Variants in LETM1 observed in about 807,000 individuals in gnomAD.
LETM1 encodes mitochondrial proton/calcium exchanger protein.
LETM1 carries 50 observed loss-of-function variants against 74.5 expected under a neutral mutation model. The ratio of observed to expected loss-of-function variants is 0.67; its 90% CI spans 0.53 to 0.85. The LOEUF (loss-of-function observed/expected upper bound fraction) is 0.85, where lower values mean the gene tolerates loss of function less well. Ranked by LOEUF, LETM1 falls within the 40% of genes least tolerant of loss-of-function variation. The pLI is 0.00. For missense variants in LETM1, 824 were observed against 967.8 expected (o/e 0.85, Z 1.97); for synonymous variants, 446 against 407.1 (o/e 1.10, Z -1.15).
rs556096376 is a variant in LETM1, at chr4:1,823,539, C to T, written c.1332+105G>A. The stretch of plus-strand genomic sequence containing the variant: ...GCGAGGGGGTGGGAGGCAGGCTCCT[C>T]GCCCATGGTTGAGGAATGAGTGCGC... On this transcript the variant is annotated intron_variant, in intron 8 of 13. Transcript: ENST00000302787. 1.4e-3 allele frequency: 2,080 copies of T among 1,439,656 alleles called. 4 individuals carry two copies. The highest frequency in any genetic ancestry group is 5.0e-3 in the Middle Eastern group (20 of 4,034). The allele number at this position is 1,439,656 out of a possible 1,614,324, so 89.2% of individuals were successfully genotyped here.
At position 1,822,173 on chromosome 4, in the gene LETM1, C is replaced by CTAA; in HGVS notation, c.1608+7_1608+8insTTA. ...CAGCCTCCAGGGCCCCAGAACCTGC[C>CTAA]TCATTACCTTCAAGCCCTCCAGCAC... On this transcript the variant is annotated splice_region_variant and intron_variant, in intron 10 of 13. Transcript: ENST00000302787. 2.1e-6 allele frequency: 3 copies of CTAA among 1,407,328 alleles called. No individual in the cohort carries two copies. The highest frequency in any genetic ancestry group is 2.8e-6 in the Non-Finnish European group (3 of 1,066,096). 87.2% of individuals were successfully genotyped at this position (1,407,328 alleles called of 1,614,324 possible).
At position 1,855,158 on chromosome 4, in the gene LETM1, TTTTAC is replaced by T. The variant is rs1218184992; in HGVS notation, c.82+706_82+710del. 3.3e-5 allele frequency among the ~76,000 whole-genome samples: 5 copies of T among 152,330 alleles called. No homozygotes were observed. In the East Asian group the frequency reaches 7.7e-4, roughly 23 times the overall value. ...TATGATCGCACCACTGCACTAATTA[TTTTAC>T]TTGAGTCCCTCTTAGCAAGTTTTAT... On this transcript the variant is annotated intron_variant, in intron 1 of 13. Coordinates refer to ENST00000302787, the MANE Select transcript of LETM1 (RefSeq NM_012318.3).
At chr4:1,835,484 C>CAAACA (rs1553852598) in intron 4 of LETM1, among the ~76,000 whole-genome samples, 3 of 151,508 alleles carry the variant, frequency 2.0e-5, no homozygotes, top group African/African-American at 7.3e-5. Context: ...AACAAACAAA[C>CAAACA]AAAAACAAAC....
At chr4:1,821,561 C>T (rs942164129) in intron 10 of LETM1, among the ~76,000 whole-genome samples, 3 of 152,136 alleles carry the variant, frequency 2.0e-5, no homozygotes, top group African/African-American at 2.4e-5. Flanking sequence ...TGGTGGTGCA[C>T]GCCTGTACTC....
chr4:1,831,868 G>C (rs1447461713), intron 6 of LETM1, among the ~76,000 whole-genome samples: 2 of 152,182 alleles, frequency 1.3e-5, no homozygotes, highest in African/African-American at 4.8e-5. Flanking sequence ...TCAGAAGGGA[G>C]AGCAAAAGAA....
At position 1,832,870 on chromosome 4, in the gene LETM1, C is replaced by T. The variant is rs1301269272; in HGVS notation, c.954G>A (p.Leu318=). The change falls in exon 6 of 14, where the codon CTG becomes CTA. Residue 318 remains leucine (L), a synonymous_variant. Coordinates refer to ENST00000302787, the MANE Select transcript of LETM1 (RefSeq NM_012318.3). ...CCAGCTGCGGCCGTGTCAGGTTGTC[C>T]AGGGTCAGCTCATCCTCAAATAATT... ...FSKLFEDELT[L]DNLTRPQLVA... 3.1e-6 allele frequency: 5 copies of T among 1,613,720 alleles called. No individual in the cohort carries two copies. The African/African-American group carries it at 6.7e-5, about 22-fold the overall frequency.
At chr4:1,830,852 CTA>C (rs918546269) in intron 6 of LETM1, among the ~76,000 whole-genome samples, 1 of 152,104 alleles carries the variant, frequency 6.6e-6, no homozygotes, top group Non-Finnish European at 1.5e-5. Context: ...CTTCTTGACT[CTA>C]GATCTGACTT....
chr4:1,828,356 G>A (rs1712095394), intron 6 of LETM1, among the ~76,000 whole-genome samples: 2 of 122,724 alleles, frequency 1.6e-5, no homozygotes, highest in African/African-American at 3.4e-5. Flanking sequence ...TCCCGGACGG[G>A]GCGGCTGGCC....
At chr4:1,828,864 G>A (rs1712137911) in intron 6 of LETM1, among the ~76,000 whole-genome samples, 1 of 104,346 alleles carries the variant, frequency 9.6e-6, no homozygotes, top group South Asian at 3.2e-4. Flanking sequence ...GCGGGAGGCT[G>A]ACACCCCCAC....
intron 1 of LETM1, among the ~76,000 whole-genome samples, chr4:1,853,818 C>G (rs1713148773): frequency 6.6e-6 from 1 of 152,160 alleles, no homozygotes; most frequent in Non-Finnish European, 1.5e-5. Flanking sequence ...CTCATCAGTT[C>G]AGGGACCTCC....
rs1320646555 is a variant in LETM1 at position 1,816,759 on chromosome 4, G to C, written c.1899C>G (p.Gly633=). 1.2e-6 allele frequency: 2 copies of C among 1,614,172 alleles called. No individual in the cohort carries two copies. The highest frequency in any genetic ancestry group is 1.7e-6 in the Non-Finnish European group (2 of 1,180,012). ...ISQLEMDQQA[G]KLAPANGMPT... ...GCATGCCGTTGGCCGGGGCCAGCTT[G>C]CCAGCCTGCTGGTCCATCTCCAGCT... The change falls in exon 12 of 14, where the codon GGC becomes GGG. Residue 633 remains glycine, a synonymous_variant. Coordinates refer to ENST00000302787, the MANE Select transcript of LETM1 (RefSeq NM_012318.3).
chr4:1,815,308 A>C (rs548942301), intron 13 of LETM1, among the ~76,000 whole-genome samples: 22 of 152,144 alleles, frequency 1.4e-4, no homozygotes, highest in African/African-American at 4.1e-4. Context: ...GCAGGTGTGA[A>C]GTGCCCCCAG....
Position 1,836,435 on chromosome 4 carries a change from T to C in LETM1, c.732A>G (p.Ser244=). The C allele has an allele frequency of 6.2e-7, 1 of 1,613,822 alleles. No individual in the cohort carries two copies. The highest frequency in any genetic ancestry group is 8.5e-7 in the Non-Finnish European group (1 of 1,179,910). Residue 244 remains serine (S), a synonymous_variant, in exon 4 of 14, where the codon TCA becomes TCG. Coordinates refer to ENST00000302787, the MANE Select transcript of LETM1 (RefSeq NM_012318.3). This position sits in a 1 kb window ranked among gnomAD's most constrained non-coding sequence, Gnocchi z 5.8. The part of the protein sequence containing the change: ...NMLPSTFETQ[S]LKEERLKKEL... ...GTTGGGATGCTGCCCTTACCTTGAG[T>C]GACTGAGTCTCAAATGTGGATGGCA...
rs776222778 is a variant in LETM1 at position 1,849,151 on chromosome 4, G to A, written c.141C>T (p.Cys47=). Residue 47 remains cysteine (C), a splice_region_variant and synonymous_variant, in exon 2 of 14, where the codon TGC becomes TGT. Coordinates refer to ENST00000302787, the MANE Select transcript of LETM1 (RefSeq NM_012318.3). The part of the protein sequence containing the change: ...SCASTLGLRN[C]LNVPFGCCTP... ...CAGAGTGATACTGATTTACTCACAG[G>A]CAGTTCCTCAACCCCAGGGTGCTGG... 32 of 1,609,482 alleles carry A rather than the reference G, an allele frequency of 2.0e-5. No homozygotes were observed. The South Asian group carries it at 3.5e-4, about 18-fold the overall frequency.
intron 3 of LETM1, chr4:1,839,258 G>C (rs912160886): frequency 1.3e-5 from 2 of 152,152 alleles, no homozygotes; most frequent in Admixed American, 1.3e-4. Flanking sequence ...GTGGAACCTT[G>C]GGGTCAGAAG....
At chr4:1,850,859 G>C (rs889334411) in intron 1 of LETM1, among the ~76,000 whole-genome samples, 1 of 150,904 alleles carries the variant, frequency 6.6e-6, no homozygotes, top group South Asian at 2.1e-4. Context: ...CCAGCTACTC[G>C]GGAGGCTGAG....
intron 7 of LETM1, among the ~76,000 whole-genome samples, chr4:1,825,260 A>G (rs574343592): frequency 8.5e-5 from 13 of 152,392 alleles, no homozygotes; most frequent in African/African-American, 2.9e-4. Flanking sequence ...GGTGAACTCC[A>G]GTCCTCATCT....
chr4:1,812,275 G>C lies in LETM1; in HGVS notation c.*2149C>G, dbSNP rs531943780. On this transcript the variant is annotated 3_prime_UTR_variant, in exon 14 of 14. Coordinates refer to ENST00000302787, the MANE Select transcript of LETM1 (RefSeq NM_012318.3). Reference sequence around the variant, plus strand: ...AATTACTCAGGAGGCTGAGGCAGAAGAATCGCTTGAACCCGGGAGGTGGAG... The same window carrying C: ...AATTACTCAGGAGGCTGAGGCAGAACAATCGCTTGAACCCGGGAGGTGGAG... 1 of 140,726 alleles carries C rather than the reference G, an allele frequency of 7.1e-6. No homozygotes were observed. The highest frequency in any genetic ancestry group is 2.3e-4 in the South Asian group (1 of 4,416). The allele number at this position is 140,726 out of a possible 1,614,324, so 8.7% of individuals were successfully genotyped here.
chr4:1,815,927 T>A, intron 12 of LETM1, 125 bp from the exon 13 acceptor site: 2 of 1,119,362 alleles, frequency 1.8e-6, no homozygotes, highest in Non-Finnish European at 2.6e-6. Context: ...CCAGGCAACC[T>A]CCAGCACGGA....
Sources: gnomAD v4.1 joint callset for allele counts (sites outside exome capture counted in the v4.1 genomes callset) on GRCh38, gnomAD v4.1.1 for gene constraint, Gnocchi (gnomAD v3.1) non-coding constraint, MANE v1.5 for transcripts, NCBI Gene and HGNC (gene_info 2026-07-23, HGNC 2026-07-21) for gene names.